The following DCC variants were observed in gnomAD, a reference collection of about 807,000 sequenced individuals.
The protein encoded by DCC is netrin receptor DCC.
Under a neutral mutation model 172.5 loss-of-function variants are expected in DCC, and 58 were observed. The observed-to-expected ratio is 0.34, with a 90% CI of 0.27 to 0.42. The LOEUF is 0.42. DCC is among the 10% of genes least tolerant of loss of function. The probability of loss-of-function intolerance (pLI) is 1.00; values close to 1 mark genes in which losing one functional copy is unlikely to be tolerated. For missense variants in DCC, 1,740 were observed against 1,791.0 expected (o/e 0.97, Z 0.51); for synonymous variants, 709 against 644.5 (o/e 1.10, Z -1.52).
At chr18:52,731,867 T>G (rs1192559794) in intron 1 of DCC, among the ~76,000 whole-genome samples, 1 of 152,206 alleles carries the variant, frequency 6.6e-6, no homozygotes, top group Non-Finnish European at 1.5e-5. Flanking sequence ...TTTGCTATGA[T>G]AGCAAATATT....
At chr18:52,568,738 G>A (rs369758627) in intron 1 of DCC, among the ~76,000 whole-genome samples, 15 of 152,180 alleles carry the variant, frequency 9.9e-5, no homozygotes, top group East Asian at 5.8e-4. Context: ...TAGACAAAAA[G>A]CACAGGTGAG....
At chr18:52,600,754 G>A (rs2034000489) in intron 1 of DCC, among the ~76,000 whole-genome samples, 1 of 152,016 alleles carries the variant, frequency 6.6e-6, no homozygotes, top group South Asian at 2.1e-4. Flanking sequence ...TAGGCCACTT[G>A]TTTTTAGTTT....
chr18:52,974,345 T>C (rs4940231), intron 5 of DCC, among the ~76,000 whole-genome samples: 117,149 of 152,028 alleles, frequency 0.77, 45,711 homozygotes, highest in African/African-American at 0.89. Context: ...TGAAATAGGT[T>C]GTCATTAAGG....
chr18:52,472,779 C>T (rs1988984079), intron 1 of DCC, among the ~76,000 whole-genome samples: 1 of 152,092 alleles, frequency 6.6e-6, no homozygotes, highest in Non-Finnish European at 1.5e-5. Context: ...GTGGCATGAG[C>T]CTATAGTCCC....
At chr18:52,677,980 C>A (rs992619050) in intron 1 of DCC, among the ~76,000 whole-genome samples, 1 of 152,092 alleles carries the variant, frequency 6.6e-6, no homozygotes, top group Admixed American at 6.6e-5. Context: ...AAATACAGAA[C>A]AAACAAAAGG....
At chr18:52,783,551 G>T (rs538152357) in intron 2 of DCC, among the ~76,000 whole-genome samples, 1 of 151,622 alleles carries the variant, frequency 6.6e-6, no homozygotes, top group African/African-American at 2.4e-5. Context: ...AAAAGACATT[G>T]TAGTGTTTAA....
At chr18:53,426,788 G>T (rs959744779) in intron 21 of DCC, among the ~76,000 whole-genome samples, 4 of 152,042 alleles carry the variant, frequency 2.6e-5, no homozygotes, top group African/African-American at 9.7e-5. Flanking sequence ...TAATGCATTT[G>T]TTGAGTGGAT....
chr18:53,492,130 A>G (rs1221176587), intron 26 of DCC, among the ~76,000 whole-genome samples: 1 of 152,060 alleles, frequency 6.6e-6, no homozygotes, highest in African/African-American at 2.4e-5. Flanking sequence ...GTGTCTGTTC[A>G]TATCCTTTGC....
intron 1 of DCC, among the ~76,000 whole-genome samples, chr18:52,649,460 T>G (rs563689592): frequency 6.6e-6 from 1 of 151,730 alleles, no homozygotes; most frequent in Admixed American, 6.6e-5. Flanking sequence ...ATTTAAGGGG[T>G]ATAAATGCAG....
intron 15 of DCC, among the ~76,000 whole-genome samples, chr18:53,351,319 T>TATATATATA (rs1568074615): frequency 0.023 from 514 of 22,104 alleles, 11 homozygotes; most frequent in South Asian, 0.043. Context: ...ATATATACAC[T>TATATATATA]GTATATATAT....
At chr18:52,690,674 G>A (rs1215507517) in intron 1 of DCC, among the ~76,000 whole-genome samples, 6 of 152,112 alleles carry the variant, frequency 3.9e-5, no homozygotes, top group Non-Finnish European at 8.8e-5. Context: ...AAGGTTCAGA[G>A]AGACCAAGTG....
At chr18:52,606,956 T>C (rs1019727004) in intron 1 of DCC, among the ~76,000 whole-genome samples, 2 of 152,156 alleles carry the variant, frequency 1.3e-5, no homozygotes, top group African/African-American at 2.4e-5. Context: ...GAAATTGGGA[T>C]AGTGAAGAAG....
At chr18:53,324,172 G>C (rs1456156639) in intron 14 of DCC, among the ~76,000 whole-genome samples, 1 of 152,052 alleles carries the variant, frequency 6.6e-6, no homozygotes, top group Admixed American at 6.5e-5. Context: ...GGTAATATAG[G>C]AGTTTAAAAA....
intron 12 of DCC, among the ~76,000 whole-genome samples, chr18:53,265,607 A>G (rs923974177): frequency 1.3e-5 from 2 of 152,188 alleles, no homozygotes; most frequent in Admixed American, 1.3e-4. Context: ...TGACCTTTCA[A>G]TATTATTGGG....
chr18:52,935,027 G>A (rs963139907), intron 5 of DCC: 2 of 152,146 alleles, frequency 1.3e-5, no homozygotes, highest in East Asian at 1.9e-4. Context: ...GATGCTGTAT[G>A]CGTTACAGAA....
chr18:53,420,545 T>G (rs919460582), intron 21 of DCC, among the ~76,000 whole-genome samples: 3 of 152,098 alleles, frequency 2.0e-5, no homozygotes. Flanking sequence ...CAGATCAAGG[T>G]TCAGTGTGGT....
At chr18:53,173,002 G>A (rs2055036226) in intron 8 of DCC, among the ~76,000 whole-genome samples, 1 of 151,962 alleles carries the variant, frequency 6.6e-6, no homozygotes, top group South Asian at 2.1e-4. Flanking sequence ...GGTACCTGAG[G>A]CACTGGGTAT....
chr18:52,755,786 C>T (rs1414299416), intron 2 of DCC, among the ~76,000 whole-genome samples: 1 of 152,056 alleles, frequency 6.6e-6, no homozygotes, highest in Non-Finnish European at 1.5e-5. Flanking sequence ...AAATAATGTC[C>T]CTCTTCCATT....
chr18:52,350,313 G>T (rs778210649), intron 1 of DCC, among the ~76,000 whole-genome samples: 1 of 152,156 alleles, frequency 6.6e-6, no homozygotes, highest in African/African-American at 2.4e-5. Flanking sequence ...TTTTGTCATT[G>T]GTTCTGTTTA....
Sources: gnomAD v4.1 joint callset for allele counts (sites outside exome capture counted in the v4.1 genomes callset) on GRCh38, gnomAD v4.1.1 for gene constraint, MANE v1.5 for transcripts, NCBI Gene and HGNC (gene_info 2026-07-23, HGNC 2026-07-21) for gene names.